ANKH: variants seen among roughly 807,000 people sequenced by gnomAD.
ANKH encodes the protein ANKH inorganic pyrophosphate transport regulator.
Under a neutral mutation model 49.0 loss-of-function variants are expected in ANKH, and 15 were observed. The ratio of observed to expected loss-of-function variants is 0.31; its 90% CI spans 0.20 to 0.47. ANKH has a LOEUF of 0.47. Among genes scored for constraint, ANKH ranks in the 20% least tolerant of loss-of-function variants. ANKH has a pLI of 1.00. For missense variants in ANKH, 429 were observed against 652.0 expected (o/e 0.66, Z 3.72); for synonymous variants, 273 against 260.0 (o/e 1.05, Z -0.48).
intron 1 of ANKH, among the ~76,000 whole-genome samples, chr5:14,852,592 G>C (rs1742148488): frequency 6.6e-6 from 1 of 152,140 alleles, no homozygotes; most frequent in African/African-American, 2.4e-5. Context: ...TGTTGTGGGG[G>C]TTTGTGGTAC....
chr5:14,857,097 G>A (rs1395136286), intron 1 of ANKH, among the ~76,000 whole-genome samples: 1 of 151,762 alleles, frequency 6.6e-6, no homozygotes, highest in African/African-American at 2.4e-5. Flanking sequence ...CCCACCCTAC[G>A]CCTATGTCTA....
At chr5:14,793,068 T>TATAAATATATATATAATATATATA in intron 1 of ANKH, among the ~76,000 whole-genome samples, 1 of 91,868 alleles carries the variant, frequency 1.1e-5, no homozygotes, top group Non-Finnish European at 2.0e-5. Flanking sequence ...AAAATATATA[T>TATAAATATATATATAATATATATA]AAATATATAA....
chr5:14,793,505 A>G (rs1740271848), intron 1 of ANKH, among the ~76,000 whole-genome samples: 1 of 152,106 alleles, frequency 6.6e-6, no homozygotes, highest in East Asian at 1.9e-4. Flanking sequence ...CCTGGTGGCC[A>G]GTTCTCTGGT....
At chr5:14,756,005 G>C in intron 3 of ANKH, 61 bp from the exon 4 acceptor site, 1 of 1,451,430 alleles carries the variant, frequency 6.9e-7, no homozygotes, top group Admixed American at 1.7e-5. Flanking sequence ...GTTTCTGGTT[G>C]TTGAGATTTA....
chr5:14,800,460 G>T (rs1000567008), intron 1 of ANKH, among the ~76,000 whole-genome samples: 3 of 152,144 alleles, frequency 2.0e-5, no homozygotes, highest in East Asian at 3.9e-4. Context: ...CAACTGATGT[G>T]GCAAACTTCA....
Position 14,814,810 on chromosome 5 carries a change from T to C in ANKH, c.97-45619A>G, listed in dbSNP as rs563584994. Among the ~76,000 whole-genome samples the C allele has an allele frequency of 1.5e-4, 23 of 152,354 alleles. No individual in the cohort carries two copies. The South Asian group carries it at 4.6e-3, about 30-fold the overall frequency. On this transcript the variant is annotated intron_variant, in intron 1 of 11. Transcript: ENST00000284268. ...GCACACTTTCAACCTATAGCACCTC[T>C]TGGAGTCAATCTGGCTTTATCTCCC... is the stretch of plus-strand genomic sequence containing the variant.
rs1190265982 is a variant in ANKH, at chr5:14,713,084, G to A, written c.1266-111C>T. On this transcript the variant is annotated intron_variant, in intron 10 of 11. Transcript: ENST00000284268. The surrounding 1 kb of genome is among the most constrained non-coding windows in gnomAD (Gnocchi z 4.4). ...TAGCCTCGAGACGGCTGAGACCAGC[G>A]GCGTTCTCCATCTGCTGGCTTCGTA... 2.5e-5 allele frequency: 27 copies of A among 1,068,802 alleles called. 1 individual carries two copies. Among genetic ancestry groups the A allele is most frequent in the Middle Eastern group, 2.0e-4 (1 of 5,110 alleles). 66.2% of individuals were successfully genotyped at this position (1,068,802 alleles called of 1,614,324 possible).
intron 8 of ANKH, among the ~76,000 whole-genome samples, chr5:14,718,832 C>A (rs535141941): frequency 9.1e-5 from 13 of 142,412 alleles, no homozygotes; most frequent in South Asian, 2.4e-4. Context: ...CAACACCACC[C>A]CCCCCCCAAA....
chr5:14,771,810 A>T (rs1044572478), intron 1 of ANKH, among the ~76,000 whole-genome samples: 1 of 151,202 alleles, frequency 6.6e-6, no homozygotes, highest in African/African-American at 2.4e-5. Context: ...AATCCCAGCT[A>T]CTCGGGAGGC....
At chr5:14,813,483 CAA>C (rs371081857) in intron 1 of ANKH, among the ~76,000 whole-genome samples, 1 of 143,654 alleles carries the variant, frequency 7.0e-6, no homozygotes. Flanking sequence ...AGAAGAGTCA[CAA>C]AAAAAAAAGG....
intron 1 of ANKH, among the ~76,000 whole-genome samples, chr5:14,778,694 ACTG>A (rs1245504265): frequency 9.9e-5 from 15 of 151,678 alleles, no homozygotes; most frequent in African/African-American, 3.4e-4. Context: ...CTTCCTTACT[ACTG>A]CAGCCTACAC....
intron 1 of ANKH, among the ~76,000 whole-genome samples, chr5:14,802,911 A>C (rs986730633): frequency 6.6e-6 from 1 of 152,192 alleles, no homozygotes; most frequent in African/African-American, 2.4e-5. Context: ...AGACTTGTTG[A>C]ATGGGAGCAT....
chr5:14,794,436 G>A (rs1347481968), intron 1 of ANKH, among the ~76,000 whole-genome samples: 2 of 152,254 alleles, frequency 1.3e-5, no homozygotes, highest in African/African-American at 4.8e-5. Context: ...GCATGTGTAA[G>A]AGGCTCTGGG....
intron 1 of ANKH, among the ~76,000 whole-genome samples, chr5:14,837,442 C>A (rs553602608): frequency 1.3e-5 from 2 of 152,152 alleles, no homozygotes; most frequent in Non-Finnish European, 2.9e-5. Flanking sequence ...AATCAAACAA[C>A]CCCATCAAAA....
chr5:14,801,878 G>A (rs1740575361), intron 1 of ANKH, among the ~76,000 whole-genome samples: 1 of 152,158 alleles, frequency 6.6e-6, no homozygotes, highest in South Asian at 2.1e-4. Flanking sequence ...TTTATAAACA[G>A]AATAGAAAAA....
intron 3 of ANKH, 57 bp from the exon 4 acceptor site, chr5:14,756,001 G>T: frequency 6.7e-7 from 1 of 1,481,856 alleles, no homozygotes; most frequent in South Asian, 1.1e-5. Context: ...TGCTGTTTCT[G>T]GTTGTTGAGA....
At chr5:14,755,244 G>A (rs1364051303) in intron 4 of ANKH, among the ~76,000 whole-genome samples, 3 of 152,152 alleles carry the variant, frequency 2.0e-5, no homozygotes. Context: ...CTTGGTAGAA[G>A]AAGAAAGGAC....
chr5:14,769,109 T>G lies in ANKH; in HGVS notation c.179A>C (p.Lys60Thr). ...ASYGLAYSLM[K>T]FFTGPMSDFK... is the part of the protein sequence containing the mutation. ...GTCACTCATGGGACCCGTGAAGAAC[T>G]TCATGAGGGAGTACGCCAGCCCGTA... Residue 60 changes from lysine (K) to threonine (T), a missense_variant, in exon 2 of 12, where the codon AAG becomes ACG. Lys to Thr is a moderately conservative substitution (Grantham distance 78). Transcript: ENST00000284268. 1 of 1,614,062 alleles carries G rather than the reference T, an allele frequency of 6.2e-7. No individual in the cohort carries two copies. The highest frequency in any genetic ancestry group is 8.5e-7 in the Non-Finnish European group (1 of 1,180,018).
At position 14,710,073 on chromosome 5, in the gene ANKH, C is replaced by T. The variant is rs1737105643; in HGVS notation, c.*1124G>A. ...TCGAATGCGTTATTTCAGGGAGGAC[C>T]ACATAGTGACTCTGGTATCGTTATA... On this transcript the variant is annotated 3_prime_UTR_variant, in exon 12 of 12. Coordinates refer to ENST00000284268, the MANE Select transcript of ANKH (RefSeq NM_054027.6). The T allele has an allele frequency of 6.6e-6, 1 of 152,126 alleles. No individual in the cohort carries two copies. The highest frequency in any genetic ancestry group is 1.5e-5 in the Non-Finnish European group (1 of 68,028). 9.4% of individuals were successfully genotyped at this position (152,126 alleles called of 1,614,324 possible).
Sources: gnomAD v4.1 joint callset for allele counts (sites outside exome capture counted in the v4.1 genomes callset) on GRCh38, gnomAD v4.1.1 for gene constraint, Gnocchi (gnomAD v3.1) non-coding constraint, MANE v1.5 for transcripts, NCBI Gene and HGNC (gene_info 2026-07-23, HGNC 2026-07-21) for gene names.